Variants in TNS3 observed in about 807,000 individuals in gnomAD.
The protein encoded by TNS3 is tensin-3.
In TNS3, 45 loss-of-function variants were observed where a neutral mutation model predicts 140.9. The ratio of observed to expected loss-of-function variants is 0.32; its 90% CI spans 0.25 to 0.41. The LOEUF is 0.41. Ranked by LOEUF, TNS3 falls within the 10% of genes least tolerant of loss-of-function variation. The probability of loss-of-function intolerance (pLI) is 1.00; values close to 1 mark genes in which losing one functional copy is unlikely to be tolerated. For synonymous variants in TNS3, 815 were observed against 788.4 expected, an observed-to-expected ratio of 1.03 and a Z score of -0.56; for missense variants, 1,716 against 1,906.7, an observed-to-expected ratio of 0.90 and a Z score of 1.86.
chr7:47,282,814 CT>C (rs1251187009), intron 28 of TNS3, among the ~76,000 whole-genome samples: 1 of 152,152 alleles, frequency 6.6e-6, no homozygotes, highest in African/African-American at 2.4e-5. Flanking sequence ...CCTAAACTCA[CT>C]TATTCCTGAA....
intron 10 of TNS3, among the ~76,000 whole-genome samples, chr7:47,421,916 G>A (rs928603859): frequency 5.0e-4 from 76 of 152,198 alleles, no homozygotes; most frequent in African/African-American, 1.8e-3. Flanking sequence ...TGATTATTAC[G>A]AGTTTGACTT....
At chr7:47,349,022 GAC>G (rs540497090) in intron 17 of TNS3, among the ~76,000 whole-genome samples, 17 of 152,214 alleles carry the variant, frequency 1.1e-4, no homozygotes, top group Non-Finnish European at 2.2e-4. Flanking sequence ...TGCATGAGCT[GAC>G]ACAGAGCCAA....
chr7:47,518,827 CTG>C (rs1264281929), intron 2 of TNS3, among the ~76,000 whole-genome samples: 1 of 152,328 alleles, frequency 6.6e-6, no homozygotes, highest in Admixed American at 6.5e-5. Context: ...GACCGGGAAA[CTG>C]AAGCACAGAG....
chr7:47,400,960 C>G (rs771347443), intron 13 of TNS3, 46 bp from the exon 14 acceptor site: 1 of 1,609,840 alleles, frequency 6.2e-7, no homozygotes, highest in Non-Finnish European at 8.5e-7. Flanking sequence ...CAGCGGGGGA[C>G]ACACGTTCCC....
chr7:47,519,700 C>T (rs1030449357), intron 2 of TNS3, among the ~76,000 whole-genome samples: 3 of 150,546 alleles, frequency 2.0e-5, no homozygotes, highest in African/African-American at 7.3e-5. Context: ...GCTGGAGGGG[C>T]GAGGGTGATA....
chr7:47,566,330 C>T (rs1800428261), intron 1 of TNS3, among the ~76,000 whole-genome samples: 1 of 152,222 alleles, frequency 6.6e-6, no homozygotes, highest in Non-Finnish European at 1.5e-5. Flanking sequence ...GTTTCCACTG[C>T]AGTTACAATA....
At chr7:47,311,399 A>AGAGT (rs1470748394) in intron 20 of TNS3, among the ~76,000 whole-genome samples, 6 of 147,324 alleles carry the variant, frequency 4.1e-5, no homozygotes, top group African/African-American at 7.6e-5. Context: ...GAACTTAAAG[A>AGAGT]GTGTGTGTGT....
At chr7:47,442,983 C>A (rs895313500) in intron 4 of TNS3, among the ~76,000 whole-genome samples, 1 of 152,222 alleles carries the variant, frequency 6.6e-6, no homozygotes, top group Non-Finnish European at 1.5e-5. Context: ...CGGAGACCAA[C>A]AATACAGATG....
chr7:47,383,803 A>G (rs1214238418), intron 16 of TNS3, among the ~76,000 whole-genome samples: 1 of 152,134 alleles, frequency 6.6e-6, no homozygotes, highest in African/African-American at 2.4e-5. Flanking sequence ...CACCGGAATG[A>G]AACCGACACT....
intron 1 of TNS3, among the ~76,000 whole-genome samples, chr7:47,545,773 T>C (rs765235638): frequency 6.6e-6 from 1 of 152,182 alleles, no homozygotes; most frequent in Non-Finnish European, 1.5e-5. Flanking sequence ...GGACCACATC[T>C]GGAACTGTGG....
intron 17 of TNS3, among the ~76,000 whole-genome samples, chr7:47,365,916 C>G (rs1790672255): frequency 6.6e-6 from 1 of 152,104 alleles, no homozygotes; most frequent in Admixed American, 6.5e-5. Flanking sequence ...TGAATTCAAT[C>G]AATTGGAAGA....
chr7:47,473,199 C>G (rs1460019820), intron 4 of TNS3, among the ~76,000 whole-genome samples: 1 of 152,160 alleles, frequency 6.6e-6, no homozygotes, highest in Non-Finnish European at 1.5e-5. Context: ...TCGGTTTGTA[C>G]TTTTATTTTT....
chr7:47,470,197 C>T (rs1796893215), intron 4 of TNS3, among the ~76,000 whole-genome samples: 1 of 152,072 alleles, frequency 6.6e-6, no homozygotes. Flanking sequence ...ACAGTAAACA[C>T]TGGGAACTGC....
intron 4 of TNS3, among the ~76,000 whole-genome samples, chr7:47,455,897 G>A (rs1358427798): frequency 6.6e-6 from 1 of 152,198 alleles, no homozygotes; most frequent in African/African-American, 2.4e-5. Flanking sequence ...CAGAGTCTGG[G>A]CAGAGAAATG....
chr7:47,567,736 C>A (rs1800462405), intron 1 of TNS3, among the ~76,000 whole-genome samples: 1 of 148,126 alleles, frequency 6.8e-6, no homozygotes. Flanking sequence ...AATCTGAAGA[C>A]ACACACAGGA....
intron 2 of TNS3, among the ~76,000 whole-genome samples, chr7:47,524,457 G>T (rs1325131243): frequency 6.6e-6 from 1 of 152,148 alleles, no homozygotes; most frequent in Non-Finnish European, 1.5e-5. Context: ...AGGTGCCTGT[G>T]TGTCCATAAT....
rs562850936 is a variant in TNS3 at position 47,423,896 on chromosome 7, GTC to G, written c.473+203_473+204del. Among the ~76,000 whole-genome samples the G allele has an allele frequency of 3.6e-3, 544 of 152,312 alleles. 3 individuals carry two copies. The highest frequency in any genetic ancestry group is 0.012 in the African/African-American group (513 of 41,568). ...GTGCAAGCCAGCAGCATAGGGGGCT[GTC>G]TCTCACCACAGACACACAGGATGGC... On this transcript the variant is annotated intron_variant, in intron 10 of 30. Transcript: ENST00000311160.
chr7:47,419,861 A>G (rs752862127), intron 10 of TNS3, among the ~76,000 whole-genome samples: 1 of 151,974 alleles, frequency 6.6e-6, no homozygotes, highest in Non-Finnish European at 1.5e-5. Flanking sequence ...ACCACTCAGC[A>G]GCACCCCATT....
At chr7:47,308,500 T>C (rs1786888587) in intron 20 of TNS3, among the ~76,000 whole-genome samples, 2 of 152,236 alleles carry the variant, frequency 1.3e-5, no homozygotes, top group Admixed American at 6.5e-5. Flanking sequence ...GCTTCTTTGA[T>C]TGCCTGGTAA....
Sources: allele counts gnomAD v4.1 joint callset (sites outside exome capture counted in the v4.1 genomes callset), GRCh38; gene constraint gnomAD v4.1.1; transcripts MANE v1.5; gene names NCBI Gene and HGNC (gene_info 2026-07-23, HGNC 2026-07-21).